Variants in ADCY8 observed in about 807,000 individuals in gnomAD.
ADCY8 encodes the protein adenylate cyclase 8.
A neutral mutation model predicts 119.7 loss-of-function variants in ADCY8; 51 were observed. The ratio of observed to expected loss-of-function variants is 0.43; its 90% CI spans 0.34 to 0.54. The LOEUF (loss-of-function observed/expected upper bound fraction) is 0.54, where lower values mean the gene tolerates loss of function less well. ADCY8 is among the 20% of genes least tolerant of loss of function. The pLI is 0.03. For synonymous variants in ADCY8, 665 were observed against 651.0 expected, an observed-to-expected ratio of 1.02 and a Z score of -0.33; for missense variants, 1,383 against 1,598.8, an observed-to-expected ratio of 0.87 and a Z score of 2.30.
chr8:130,828,756 T>C (rs1816740668), intron 12 of ADCY8, among the ~76,000 whole-genome samples: 1 of 152,168 alleles, frequency 6.6e-6, no homozygotes, highest in Admixed American at 6.5e-5. Context: ...AAATGGCCAT[T>C]TGGTCCTTAC....
intron 5 of ADCY8, among the ~76,000 whole-genome samples, chr8:130,921,808 C>T (rs542680013): frequency 7.9e-5 from 12 of 151,990 alleles, no homozygotes; most frequent in Non-Finnish European, 1.5e-4. Flanking sequence ...CATTTCCGTA[C>T]CTTTGAACAT....
chr8:130,911,513 A>T (rs562342676), intron 5 of ADCY8, among the ~76,000 whole-genome samples: 7 of 151,712 alleles, frequency 4.6e-5, no homozygotes, highest in South Asian at 4.2e-4. Flanking sequence ...ACTATTAAAA[A>T]TTTTTTTTAA....
chr8:130,951,290 C>T (rs1452293862), intron 3 of ADCY8, among the ~76,000 whole-genome samples: 2 of 152,180 alleles, frequency 1.3e-5, no homozygotes, highest in African/African-American at 4.8e-5. Context: ...CCATGGAGTT[C>T]ACCCTTTGAT....
intron 2 of ADCY8, among the ~76,000 whole-genome samples, chr8:130,987,532 C>T (rs895741345): frequency 6.6e-6 from 1 of 152,008 alleles, no homozygotes; most frequent in Non-Finnish European, 1.5e-5. Context: ...TTGAAAAATC[C>T]CACAAAACCC....
chr8:130,976,732 G>C (rs1013818998), intron 2 of ADCY8, among the ~76,000 whole-genome samples: 1 of 152,156 alleles, frequency 6.6e-6, no homozygotes, highest in African/African-American at 2.4e-5. Context: ...TAATTTGGAA[G>C]TTGAAAGATA....
intron 15 of ADCY8, among the ~76,000 whole-genome samples, chr8:130,797,226 T>A (rs540303608): frequency 6.6e-5 from 9 of 136,314 alleles, no homozygotes; most frequent in African/African-American, 2.0e-4. Flanking sequence ...ATTATGAGAC[T>A]TTTTTTTGCG....
At chr8:130,805,295 C>A (rs72712449) in intron 14 of ADCY8, among the ~76,000 whole-genome samples, 1 of 152,068 alleles carries the variant, frequency 6.6e-6, no homozygotes, top group Admixed American at 6.5e-5. Flanking sequence ...ATACTTTACC[C>A]GAGCCCCATA....
chr8:130,982,890 T>A (rs1413562309), intron 2 of ADCY8, among the ~76,000 whole-genome samples: 2 of 152,222 alleles, frequency 1.3e-5, no homozygotes, highest in East Asian at 3.8e-4. Flanking sequence ...ATGCACAGCA[T>A]GTCTCATTTT....
At chr8:130,894,563 G>A (rs2130495289) in intron 7 of ADCY8, among the ~76,000 whole-genome samples, 1 of 152,220 alleles carries the variant, frequency 6.6e-6, no homozygotes, top group African/African-American at 2.4e-5. Flanking sequence ...CAAATCTAGT[G>A]GTGCATAACC....
chr8:130,869,526 G>GTTTTTTTTTT (rs1275593013), intron 8 of ADCY8, among the ~76,000 whole-genome samples: 2 of 114,608 alleles, frequency 1.7e-5, no homozygotes. Flanking sequence ...TTGTTTTTTT[G>GTTTTTTTTTT]TTTTTTTTTG....
chr8:130,785,806 G>A (rs1815232804), intron 15 of ADCY8, among the ~76,000 whole-genome samples: 1 of 152,168 alleles, frequency 6.6e-6, no homozygotes, highest in African/African-American at 2.4e-5. Context: ...TCTTCACTGT[G>A]ACTTGCAAGG....
At chr8:130,941,978 C>T (rs1325656660) in intron 4 of ADCY8, among the ~76,000 whole-genome samples, 4 of 152,198 alleles carry the variant, frequency 2.6e-5, no homozygotes, top group African/African-American at 9.7e-5. Flanking sequence ...CTCTACAAAA[C>T]TGTAATAATA....
intron 6 of ADCY8, among the ~76,000 whole-genome samples, chr8:130,908,591 TGA>T (rs753707254): frequency 1.3e-5 from 2 of 152,188 alleles, no homozygotes; most frequent in African/African-American, 2.4e-5. Context: ...TTATAGCAGA[TGA>T]GAGAACAAAC....
Position 131,039,956 on chromosome 8 carries a change from G to A in ADCY8, c.378C>T (p.Asp126=). The part of the protein sequence containing the change: ...GSASGSGGGG[D]LGFLHLDCAP... ...CACAGTCAAGGTGCAGGAAGCCCAGGTCGCCCCCGCCTCCGCTGCCGCTGG... is the reference window on the plus strand; with the variant it reads ...CACAGTCAAGGTGCAGGAAGCCCAGATCGCCCCCGCCTCCGCTGCCGCTGG... The change falls in exon 1 of 18, where the codon GAC becomes GAT. Residue 126 remains aspartate, a synonymous_variant. Coordinates refer to ENST00000286355, the MANE Select transcript of ADCY8 (RefSeq NM_001115.3). 6.3e-7 allele frequency: 1 copy of A among 1,590,350 alleles called. No individual in the cohort carries two copies. Among genetic ancestry groups the A allele is most frequent in the Non-Finnish European group, 8.6e-7 (1 of 1,168,640 alleles).
At chr8:130,943,167 T>C (rs537602962) in intron 4 of ADCY8, 184 bp downstream of exon 4, 14 of 484,146 alleles carry the variant, frequency 2.9e-5, no homozygotes, top group African/African-American at 2.3e-4. Flanking sequence ...ACAAACCTCC[T>C]GCATGAGACC....
chr8:130,937,973 C>T (rs1820838776), intron 4 of ADCY8, among the ~76,000 whole-genome samples: 1 of 152,080 alleles, frequency 6.6e-6, no homozygotes. Context: ...AGACACAACT[C>T]TTACAAAATT....
intron 1 of ADCY8, among the ~76,000 whole-genome samples, chr8:131,010,570 A>G (rs985539347): frequency 1.3e-5 from 2 of 152,210 alleles, no homozygotes; most frequent in African/African-American, 4.8e-5. Flanking sequence ...AAGGGAAGAA[A>G]AATGAAGGTA....
At chr8:130,948,275 G>C (rs1162660743) in intron 3 of ADCY8, among the ~76,000 whole-genome samples, 3 of 152,200 alleles carry the variant, frequency 2.0e-5, no homozygotes, top group Non-Finnish European at 4.4e-5. Context: ...TAAGTATCTG[G>C]GGGAAAAACA....
At chr8:130,824,754 C>A (rs1327843865) in intron 12 of ADCY8, among the ~76,000 whole-genome samples, 1 of 152,072 alleles carries the variant, frequency 6.6e-6, no homozygotes, top group African/African-American at 2.4e-5. Context: ...ATTTGTGGAC[C>A]CACTGTAAAA....
Sources: gnomAD v4.1 joint callset for allele counts (sites outside exome capture counted in the v4.1 genomes callset) on GRCh38, gnomAD v4.1.1 for gene constraint, MANE v1.5 for transcripts, NCBI Gene and HGNC (gene_info 2026-07-23, HGNC 2026-07-21) for gene names.